Variants in CRYBG1 observed in about 807,000 individuals in gnomAD.
CRYBG1 encodes the protein crystallin beta-gamma domain containing 1.
CRYBG1 carries 139 observed loss-of-function variants against 189.2 expected under a neutral mutation model. The observed-to-expected ratio is 0.73, with a 90% CI of 0.64 to 0.85. The LOEUF (loss-of-function observed/expected upper bound fraction) is 0.85, where lower values mean the gene tolerates loss of function less well. Among genes scored for constraint, CRYBG1 ranks in the 40% least tolerant of loss-of-function variants. CRYBG1 has a pLI of 0.00. For missense variants in CRYBG1, 2,611 were observed against 2,675.8 expected (o/e 0.98, Z 0.53); for synonymous variants, 1,023 against 1,017.1 (o/e 1.01, Z -0.11).
At chr6:106,429,033 G>A (rs993513313) in intron 1 of CRYBG1, among the ~76,000 whole-genome samples, 1 of 152,190 alleles carries the variant, frequency 6.6e-6, no homozygotes, top group Non-Finnish European at 1.5e-5. Flanking sequence ...TCTCTTTATG[G>A]AGATTTTTAC....
intron 2 of CRYBG1, among the ~76,000 whole-genome samples, chr6:106,459,332 G>C (rs934490026): frequency 6.6e-6 from 1 of 151,962 alleles, no homozygotes; most frequent in African/African-American, 2.4e-5. Flanking sequence ...CTGTTGTAGG[G>C]TGTTTTTTTA....
chr6:106,387,420 A>G (rs1047021653), intron 1 of CRYBG1, among the ~76,000 whole-genome samples: 24 of 152,196 alleles, frequency 1.6e-4, no homozygotes, highest in African/African-American at 4.8e-4. Context: ...TGGGGTCTTA[A>G]GCATGAAAGG....
chr6:106,532,981 G>A (rs6928874), intron 8 of CRYBG1, among the ~76,000 whole-genome samples: 40,771 of 152,094 alleles, frequency 0.27, 5,628 homozygotes, highest in East Asian at 0.46. Flanking sequence ...TCTAGTCACT[G>A]GGAATACAGC....
chr6:106,564,015 A>G, intron 21 of CRYBG1, 89 bp downstream of exon 21: 1 of 1,347,642 alleles, frequency 7.4e-7, no homozygotes, highest in Non-Finnish European at 1.0e-6. Flanking sequence ...AAAATGATGA[A>G]TGTATTATTA....
intron 1 of CRYBG1, among the ~76,000 whole-genome samples, chr6:106,401,550 T>C: frequency 1.0e-5 from 1 of 99,120 alleles, no homozygotes. Context: ...ATGCTATCCC[T>C]CCCCCCTCCC....
At position 106,512,914 on chromosome 6, in the gene CRYBG1, A is replaced by T. The variant is rs374565289; in HGVS notation, c.1797A>T (p.Ala599=). ...TCCCCAACCACTTCAACGGCCGGGC[A>T]GAGGGAGGTCGAAGCAGAGAGCTGG... ...GPLPNHFNGR[A]EGGRSRELGR... Residue 599 remains alanine, a synonymous_variant, in exon 3 of 22, where the codon GCA becomes GCT. Coordinates refer to ENST00000633556, the MANE Select transcript of CRYBG1 (RefSeq NM_001371242.2). 1 of 1,606,926 alleles carries T rather than the reference A, an allele frequency of 6.2e-7. No individual in the cohort carries two copies. Among genetic ancestry groups the T allele is most frequent in the Admixed American group, 1.7e-5 (1 of 59,222 alleles).
intron 2 of CRYBG1, among the ~76,000 whole-genome samples, chr6:106,484,920 G>A (rs1254083960): frequency 1.3e-5 from 2 of 152,120 alleles, no homozygotes; most frequent in Non-Finnish European, 2.9e-5. Context: ...GAGACCAGCA[G>A]TTCAAGCCTG....
chr6:106,524,449 C>A (rs1195429325), intron 4 of CRYBG1, among the ~76,000 whole-genome samples: 1 of 152,048 alleles, frequency 6.6e-6, no homozygotes, highest in East Asian at 1.9e-4. Flanking sequence ...GCCTGTAGTC[C>A]CAGCTACTCG....
chr6:106,414,786 T>A (rs1203843316), intron 1 of CRYBG1, among the ~76,000 whole-genome samples: 1 of 152,202 alleles, frequency 6.6e-6, no homozygotes, highest in Non-Finnish European at 1.5e-5. Context: ...TTTTATCACT[T>A]TCTCTGCAGG....
intron 2 of CRYBG1, among the ~76,000 whole-genome samples, chr6:106,466,801 T>C (rs2114460687): frequency 6.6e-6 from 1 of 152,328 alleles, no homozygotes; most frequent in South Asian, 2.1e-4. Context: ...CCTTAGGAAG[T>C]AGAATTTTTT....
intron 13 of CRYBG1, among the ~76,000 whole-genome samples, chr6:106,548,990 G>T (rs146656921): frequency 1.4e-5 from 2 of 148,118 alleles, no homozygotes; most frequent in African/African-American, 5.0e-5. Context: ...GAGAACATGC[G>T]GTGTTTGGTT....
intron 2 of CRYBG1, among the ~76,000 whole-genome samples, chr6:106,470,245 A>G (rs1340620): frequency 0.084 from 12,827 of 151,936 alleles, 709 homozygotes; most frequent in East Asian, 0.22. Context: ...GATCCCTTGA[A>G]CCCCAGGAGG....
intron 1 of CRYBG1, among the ~76,000 whole-genome samples, chr6:106,389,853 T>A (rs568824385): frequency 6.6e-6 from 1 of 152,206 alleles, no homozygotes; most frequent in South Asian, 2.1e-4. Flanking sequence ...GTTTCTGTTG[T>A]ATTGTGATGT....
intron 8 of CRYBG1, among the ~76,000 whole-genome samples, chr6:106,538,001 G>A (rs76842459): frequency 6.6e-6 from 1 of 152,188 alleles, no homozygotes; most frequent in East Asian, 1.9e-4. Flanking sequence ...AAGAGGGAGG[G>A]GTCAGACCCG....
chr6:106,484,995 A>T (rs574038632), intron 2 of CRYBG1, among the ~76,000 whole-genome samples: 189 of 152,298 alleles, frequency 1.2e-3, no homozygotes, highest in Non-Finnish European at 2.5e-3. Flanking sequence ...TATTTAAAAA[A>T]AAAGGTGGGG....
At chr6:106,419,387 G>A (rs1157630743) in intron 1 of CRYBG1, among the ~76,000 whole-genome samples, 1 of 152,138 alleles carries the variant, frequency 6.6e-6, no homozygotes, top group African/African-American at 2.4e-5. Context: ...TCCAAGTTTT[G>A]CTTGTTGGTT....
chr6:106,494,516 A>G (rs752618508), intron 2 of CRYBG1, among the ~76,000 whole-genome samples: 1 of 152,202 alleles, frequency 6.6e-6, no homozygotes, highest in Non-Finnish European at 1.5e-5. Context: ...ATGATGAAAG[A>G]AAGAGGAGAA....
chr6:106,430,747 G>T (rs111821510), intron 1 of CRYBG1, among the ~76,000 whole-genome samples: 1 of 152,028 alleles, frequency 6.6e-6, no homozygotes, highest in Non-Finnish European at 1.5e-5. Context: ...TCCATGGGGC[G>T]TCTGTAGCCG....
At chr6:106,369,215 AT>A (rs1239905141) in intron 1 of CRYBG1, among the ~76,000 whole-genome samples, 1 of 152,238 alleles carries the variant, frequency 6.6e-6, no homozygotes, top group African/African-American at 2.4e-5. Flanking sequence ...CTGGCATGTT[AT>A]AGACAAGTAA....
Sources: allele counts gnomAD v4.1 joint callset (sites outside exome capture counted in the v4.1 genomes callset), GRCh38; gene constraint gnomAD v4.1.1; transcripts MANE v1.5; gene names NCBI Gene and HGNC (gene_info 2026-07-23, HGNC 2026-07-21).